ARHGAP15: variants seen among roughly 807,000 people sequenced by gnomAD.
The protein encoded by ARHGAP15 is rho GTPase-activating protein 15.
Under a neutral mutation model 63.7 loss-of-function variants are expected in ARHGAP15, and 51 were observed. The ratio of observed to expected loss-of-function variants is 0.80; its 90% CI spans 0.64 to 1.01. The LOEUF is 1.01. Among genes scored for constraint, ARHGAP15 ranks in the 50% least tolerant of loss-of-function variants. The probability of loss-of-function intolerance (pLI) is 0.00; values close to 1 mark genes in which losing one functional copy is unlikely to be tolerated. For synonymous variants in ARHGAP15, 191 were observed against 193.8 expected (o/e 0.99, Z 0.12); for missense variants, 560 against 564.6 (o/e 0.99, Z 0.08).
intron 11 of ARHGAP15, among the ~76,000 whole-genome samples, chr2:143,573,450 ATAATT>A (rs1341573388): frequency 2.9e-5 from 4 of 137,516 alleles, no homozygotes; most frequent in African/African-American, 7.4e-5. Flanking sequence ...TATTAACTAA[ATAATT>A]TAATAATAAA....
chr2:143,324,726 A>AT lies in ARHGAP15; in HGVS notation c.474+74130dup, dbSNP rs1262709292. ...TTTCATCAAAGTAACACGGCACTTGATTTTCATTCATCCATATGAAAACAA... is the reference window on the plus strand; with the variant it reads ...TTTCATCAAAGTAACACGGCACTTGATTTTTCATTCATCCATATGAAAACAA... On this transcript the variant is annotated intron_variant, in intron 6 of 13. Coordinates refer to ENST00000295095, the MANE Select transcript of ARHGAP15 (RefSeq NM_018460.4). Among the ~76,000 whole-genome samples, 11 of 152,196 alleles carry AT rather than the reference A, an allele frequency of 7.2e-5. No individual in the cohort carries two copies. The South Asian group carries it at 2.1e-3, about 29-fold the overall frequency.
chr2:143,159,560 A>G (rs1188326876), intron 2 of ARHGAP15, among the ~76,000 whole-genome samples: 1 of 151,956 alleles, frequency 6.6e-6, no homozygotes. Context: ...AACAAAGGTA[A>G]TTGCCCGTAT....
At chr2:143,574,204 C>T (rs1415119732) in intron 11 of ARHGAP15, among the ~76,000 whole-genome samples, 2 of 152,060 alleles carry the variant, frequency 1.3e-5, no homozygotes, top group Non-Finnish European at 2.9e-5. Flanking sequence ...GGAATCATCT[C>T]GTCAAAAATC....
chr2:143,345,894 G>A (rs997089412), intron 6 of ARHGAP15, among the ~76,000 whole-genome samples: 1 of 152,016 alleles, frequency 6.6e-6, no homozygotes, highest in Non-Finnish European at 1.5e-5. Context: ...AGTGAACGGA[G>A]ATCTCTGGAA....
At chr2:143,237,447 A>G (rs1239950413) in intron 5 of ARHGAP15, 1 of 152,200 alleles carries the variant, frequency 6.6e-6, no homozygotes, top group East Asian at 1.9e-4. Context: ...CCATTTCTAA[A>G]GACGTTCTAG....
In ARHGAP15 at chr2:143,330,239, G is replaced by GA. The variant is rs1214703658; in HGVS notation, c.474+79643dup. 4.6e-4 allele frequency among the ~76,000 whole-genome samples: 70 copies of GA among 150,600 alleles called. 1 individual carries two copies. Among genetic ancestry groups the GA allele is most frequent in the Admixed American group, 4.0e-4 (6 of 15,146 alleles). ...AAAAGCAAGACAGAAGAGTTTAAGT[G>GA]AAAATTGGCCTAAGGGATCTGTAAA... On this transcript the variant is annotated intron_variant, in intron 6 of 13. Coordinates refer to ENST00000295095, the MANE Select transcript of ARHGAP15 (RefSeq NM_018460.4).
chr2:143,710,892 CAAAT>C (rs1226048458), intron 13 of ARHGAP15, among the ~76,000 whole-genome samples: 1 of 152,162 alleles, frequency 6.6e-6, no homozygotes, highest in African/African-American at 2.4e-5. Context: ...TTAATTAAGT[CAAAT>C]AAATTCATAT....
chr2:143,754,993 G>A (rs934584705), intron 13 of ARHGAP15, among the ~76,000 whole-genome samples: 1 of 152,158 alleles, frequency 6.6e-6, no homozygotes, highest in Non-Finnish European at 1.5e-5. Flanking sequence ...GAACATTGGG[G>A]AAAGACCCAA....
In ARHGAP15 at chr2:143,685,782, A is replaced by G. The variant is rs141502094; in HGVS notation, c.1139-17637A>G. On this transcript the variant is annotated intron_variant, in intron 12 of 13. Transcript: ENST00000295095. ...ATGGCCATTTGTTTTCTTAAAGCCC[A>G]CTTAATGTCTGCTTAACTCAATTTG... Among the ~76,000 whole-genome samples the G allele has an allele frequency of 2.0e-5, 3 of 152,294 alleles. No homozygotes were observed. The East Asian group carries it at 5.8e-4, about 29-fold the overall frequency.
intron 13 of ARHGAP15, among the ~76,000 whole-genome samples, chr2:143,711,962 A>G (rs756024786): frequency 1.3e-5 from 2 of 152,208 alleles, no homozygotes; most frequent in Non-Finnish European, 2.9e-5. Context: ...TGTAGACATT[A>G]GGAAAATCAC....
chr2:143,750,649 G>A (rs1686337495), intron 13 of ARHGAP15, among the ~76,000 whole-genome samples: 1 of 152,160 alleles, frequency 6.6e-6, no homozygotes, highest in African/African-American at 2.4e-5. Context: ...TCCAGATCAA[G>A]AGCAATGGTT....
chr2:143,158,358 A>C (rs376950944), intron 2 of ARHGAP15, among the ~76,000 whole-genome samples: 2 of 151,890 alleles, frequency 1.3e-5, no homozygotes, highest in African/African-American at 4.8e-5. Context: ...GCCAATATAA[A>C]CATTTATCCA....
chr2:143,759,996 G>T (rs948016816), intron 13 of ARHGAP15, among the ~76,000 whole-genome samples: 4 of 152,102 alleles, frequency 2.6e-5, no homozygotes, highest in African/African-American at 9.7e-5. Context: ...TTCAGGGCCT[G>T]AAGTCACATT....
intron 1 of ARHGAP15, among the ~76,000 whole-genome samples, chr2:143,130,216 A>C (rs1158192341): frequency 6.6e-6 from 1 of 152,150 alleles, no homozygotes; most frequent in African/African-American, 2.4e-5. Flanking sequence ...AATATTCCAA[A>C]ATAATAAACC....
At chr2:143,320,556 A>G (rs1683974056) in intron 6 of ARHGAP15, among the ~76,000 whole-genome samples, 1 of 152,040 alleles carries the variant, frequency 6.6e-6, no homozygotes, top group Non-Finnish European at 1.5e-5. Flanking sequence ...TAACTGGGCT[A>G]AGCAAAGCGG....
At chr2:143,363,238 T>C (rs1558921161) in intron 6 of ARHGAP15, among the ~76,000 whole-genome samples, 1 of 152,152 alleles carries the variant, frequency 6.6e-6, no homozygotes, top group African/African-American at 2.4e-5. Flanking sequence ...CCCTACTGTT[T>C]CTTCTGTCTA....
chr2:143,641,279 A>T (rs952569779), intron 12 of ARHGAP15: 1 of 152,086 alleles, frequency 6.6e-6, no homozygotes, highest in African/African-American at 2.4e-5. Context: ...CAAACAAACA[A>T]CAACAAAAAA....
intron 6 of ARHGAP15, among the ~76,000 whole-genome samples, chr2:143,366,198 T>C (rs1686285104): frequency 1.3e-5 from 2 of 152,178 alleles, no homozygotes; most frequent in Admixed American, 6.5e-5. Context: ...CCTCACAGCA[T>C]TAAATATGCT....
intron 1 of ARHGAP15, among the ~76,000 whole-genome samples, chr2:143,130,145 G>A (rs1688863928): frequency 6.6e-6 from 1 of 152,072 alleles, no homozygotes; most frequent in East Asian, 1.9e-4. Flanking sequence ...ACTCTGAGAG[G>A]AGAGGCAAAT....
Sources: allele counts gnomAD v4.1 joint callset (sites outside exome capture counted in the v4.1 genomes callset), GRCh38; gene constraint gnomAD v4.1.1; transcripts MANE v1.5; gene names NCBI Gene and HGNC (gene_info 2026-07-23, HGNC 2026-07-21).